PRKCA: variants seen among roughly 807,000 people sequenced by gnomAD.
PRKCA encodes the protein protein kinase C alpha type.
A neutral mutation model predicts 87.0 loss-of-function variants in PRKCA; 27 were observed. That is an observed-to-expected ratio of 0.31 (90% CI 0.23 to 0.43). The LOEUF (loss-of-function observed/expected upper bound fraction) is 0.43. Among genes scored for constraint, PRKCA ranks in the 20% least tolerant of loss-of-function variants. The probability of loss-of-function intolerance (pLI) is 1.00; values close to 1 mark genes in which losing one functional copy is unlikely to be tolerated. For synonymous variants in PRKCA, 329 were observed against 311.1 expected, an observed-to-expected ratio of 1.06 and a Z score of -0.61; for missense variants, 518 against 852.3, an observed-to-expected ratio of 0.61 and a Z score of 4.88.
intron 16 of PRKCA, among the ~76,000 whole-genome samples, chr17:66,797,221 G>A (rs1568039852): frequency 6.6e-6 from 1 of 152,182 alleles, no homozygotes; most frequent in Non-Finnish European, 1.5e-5. Context: ...AGAATGAAAG[G>A]GGCTGTGAGC....
intron 3 of PRKCA, among the ~76,000 whole-genome samples, chr17:66,547,410 G>C (rs1035597063): frequency 6.6e-6 from 1 of 152,006 alleles, no homozygotes; most frequent in Non-Finnish European, 1.5e-5. Flanking sequence ...CAAGGGGATA[G>C]GAACCTTGTG....
chr17:66,654,408 G>T (rs541516261), intron 5 of PRKCA, among the ~76,000 whole-genome samples: 1 of 127,626 alleles, frequency 7.8e-6, no homozygotes, highest in African/African-American at 2.9e-5. Context: ...TGGGAAAAAT[G>T]CTATCATCAT....
At chr17:66,315,893 G>A (rs983762365) in intron 2 of PRKCA, among the ~76,000 whole-genome samples, 11 of 152,182 alleles carry the variant, frequency 7.2e-5, no homozygotes, top group Non-Finnish European at 1.2e-4. Flanking sequence ...CCTGCAGGGC[G>A]CAGGACAGAA....
At position 66,687,096 on chromosome 17, in the gene PRKCA, C is replaced by T; in HGVS notation, c.530-15C>T. On this transcript the variant is annotated splice_polypyrimidine_tract_variant and intron_variant, in intron 5 of 16. Coordinates refer to ENST00000413366, the MANE Select transcript of PRKCA (RefSeq NM_002737.3). ...GTTCTCTTTTTGTAATATTTTCTTC[C>T]TTCTCTCTTCACAGTACGAGATGCA... The T allele has an allele frequency of 6.3e-7, 1 of 1,596,958 alleles. No homozygotes were observed. Among genetic ancestry groups the T allele is most frequent in the South Asian group, 1.1e-5 (1 of 90,258 alleles).
chr17:66,738,315 G>A (rs12936503), intron 10 of PRKCA, among the ~76,000 whole-genome samples: 25,101 of 152,138 alleles, frequency 0.16, 2,597 homozygotes, highest in South Asian at 0.26. Context: ...ATTTAAACAC[G>A]ATACTACATT....
intron 8 of PRKCA, among the ~76,000 whole-genome samples, chr17:66,699,656 TAGCTCACTGC>T (rs1026371689): frequency 2.0e-5 from 3 of 152,210 alleles, no homozygotes; most frequent in African/African-American, 7.2e-5. Context: ...AGCACAATCA[TAGCTCACTGC>T]AGCTCAAACT....
intron 2 of PRKCA, among the ~76,000 whole-genome samples, chr17:66,481,223 C>G (rs1220996266): frequency 6.6e-6 from 1 of 152,136 alleles, no homozygotes; most frequent in East Asian, 1.9e-4. Context: ...GACTCTTTTC[C>G]AAACTAAAAG....
chr17:66,560,978 A>C (rs1968663643), intron 3 of PRKCA, among the ~76,000 whole-genome samples: 1 of 152,092 alleles, frequency 6.6e-6, no homozygotes, highest in Non-Finnish European at 1.5e-5. Context: ...CCTGTCTCCC[A>C]GTTTTTCCCT....
intron 2 of PRKCA, among the ~76,000 whole-genome samples, chr17:66,353,899 T>TC (rs781518273): frequency 1.3e-5 from 2 of 152,168 alleles, no homozygotes; most frequent in African/African-American, 4.8e-5. Flanking sequence ...TTTTTTTTTT[T>TC]CACGGATGCT....
chr17:66,668,959 C>G (rs538732701), intron 5 of PRKCA, among the ~76,000 whole-genome samples: 17 of 152,098 alleles, frequency 1.1e-4, no homozygotes, highest in Admixed American at 6.5e-4. Flanking sequence ...AAAAATTAGC[C>G]AGGCATGGTG....
chr17:66,616,491 G>A (rs1268255546), intron 3 of PRKCA, among the ~76,000 whole-genome samples: 2 of 152,180 alleles, frequency 1.3e-5, no homozygotes, highest in African/African-American at 2.4e-5. Context: ...GCAGATGTCT[G>A]TCGAGTATCT....
chr17:66,332,428 A>G (rs1375964549), intron 2 of PRKCA, among the ~76,000 whole-genome samples: 1 of 151,802 alleles, frequency 6.6e-6, no homozygotes, highest in South Asian at 2.1e-4. Flanking sequence ...GGGTTTCCCC[A>G]TGTTGGCCAG....
chr17:66,741,517 G>A, intron 11 of PRKCA, 142 bp from the exon 12 acceptor site: 3 of 750,708 alleles, frequency 4.0e-6, no homozygotes, highest in Admixed American at 2.5e-5. Context: ...GAGGACCGGG[G>A]GTTGGAAGAA....
chr17:66,420,491 G>T (rs1194409046), intron 2 of PRKCA, among the ~76,000 whole-genome samples: 1 of 152,056 alleles, frequency 6.6e-6, no homozygotes, highest in African/African-American at 2.4e-5. Flanking sequence ...CGACCATTCT[G>T]TTTTTCATTT....
rs759077450 is a variant in PRKCA at position 66,688,306 on chromosome 17, T to C, written c.691T>C (p.Leu231=). The change falls in exon 7 of 17, where the codon TTG becomes CTG. Residue 231 remains leucine, a synonymous_variant. Coordinates refer to ENST00000413366, the MANE Select transcript of PRKCA (RefSeq NM_002737.3). ...PQWNESFTFK[L]KPSDKDRRLS... ...GCATGTGTGTGTGTCTTGTAGCAAA[T>C]TGAAACCTTCAGACAAAGACCGACG... The C allele has an allele frequency of 1.2e-6, 2 of 1,613,980 alleles. No individual in the cohort carries two copies. The highest frequency in any genetic ancestry group is 1.7e-6 in the Non-Finnish European group (2 of 1,180,014).
chr17:66,777,564 C>A (rs1214912735), intron 14 of PRKCA: 2 of 984,762 alleles, frequency 2.0e-6, no homozygotes, highest in East Asian at 1.1e-4. Flanking sequence ...AAGTTAATTT[C>A]CCCCTCTTTA....
At chr17:66,704,836 A>T (rs1435230529) in intron 8 of PRKCA, among the ~76,000 whole-genome samples, 1 of 152,266 alleles carries the variant, frequency 6.6e-6, no homozygotes, top group African/African-American at 2.4e-5. Context: ...TTGCTAGGTT[A>T]TATGTGGAAA....
chr17:66,738,921 T>TC lies in PRKCA; in HGVS notation c.1322+66_1322+67insC, dbSNP rs1353375333. ...GTCCTACCAACTGGAAACTTCCTTT[T>TC]TTCCCCCCCGCTTGAGATTGGGGGT... On this transcript the variant is annotated intron_variant, in intron 11 of 16. Coordinates refer to ENST00000413366, the MANE Select transcript of PRKCA (RefSeq NM_002737.3). 18 of 1,331,668 alleles carry TC rather than the reference T, an allele frequency of 1.4e-5. No homozygotes were observed. In the East Asian group the frequency reaches 2.6e-4, roughly 19 times the overall value. The allele number at this position is 1,331,668 out of a possible 1,614,324, so 82.5% of individuals were successfully genotyped here.
chr17:66,644,729 T>C (rs1971405533), intron 4 of PRKCA, among the ~76,000 whole-genome samples: 1 of 152,114 alleles, frequency 6.6e-6, no homozygotes. Context: ...CAAGGTTAGC[T>C]GAGGAAAGGA....
Sources: gnomAD v4.1 joint callset for allele counts (sites outside exome capture counted in the v4.1 genomes callset) on GRCh38, gnomAD v4.1.1 for gene constraint, MANE v1.5 for transcripts, NCBI Gene and HGNC (gene_info 2026-07-23, HGNC 2026-07-21) for gene names.